Variants in SIK3 observed in about 807,000 individuals in gnomAD.
SIK3 encodes SIK family kinase 3.
Under a neutral mutation model 144.2 loss-of-function variants are expected in SIK3, and 28 were observed. The ratio of observed to expected loss-of-function variants is 0.19; its 90% CI spans 0.14 to 0.27. The LOEUF (loss-of-function observed/expected upper bound fraction) is 0.27. SIK3 is among the 10% of genes least tolerant of loss of function. The pLI, the probability that SIK3 is intolerant of heterozygous loss-of-function variation, is 1.00. For missense variants in SIK3, 1,319 were observed against 1,776.0 expected (o/e 0.74, Z 4.62); for synonymous variants, 686 against 676.3 (o/e 1.01, Z -0.22).
At chr11:117,094,801 T>C (rs1364781340) in intron 1 of SIK3, among the ~76,000 whole-genome samples, 2 of 150,368 alleles carry the variant, frequency 1.3e-5, no homozygotes, top group African/African-American at 2.4e-5. Context: ...CCAGAGAACC[T>C]CAGGCTAAGT....
chr11:117,052,199 T>C (rs753712851), intron 1 of SIK3, among the ~76,000 whole-genome samples: 3 of 152,168 alleles, frequency 2.0e-5, no homozygotes, highest in Non-Finnish European at 4.4e-5. Flanking sequence ...AGAATCCTAA[T>C]ACAAGTCCAG....
At chr11:116,870,509 CAG>C in intron 13 of SIK3, 108 bp from the exon 14 acceptor site, 1 of 1,477,786 alleles carries the variant, frequency 6.8e-7, no homozygotes, top group Non-Finnish European at 9.3e-7. Flanking sequence ...TTCTTATTTA[CAG>C]AACTTTTCTA....
chr11:117,019,869 A>G (rs963670547), intron 1 of SIK3, among the ~76,000 whole-genome samples: 1 of 152,052 alleles, frequency 6.6e-6, no homozygotes, highest in African/African-American at 2.4e-5. Flanking sequence ...TGTACTTCAG[A>G]TTGGTCAACA....
chr11:116,866,935 T>G (rs1300506892), intron 15 of SIK3, among the ~76,000 whole-genome samples: 2 of 152,226 alleles, frequency 1.3e-5, no homozygotes, highest in Non-Finnish European at 2.9e-5. Flanking sequence ...AACGTGGCAC[T>G]AATTATGTCC....
chr11:117,054,533 G>A (rs1953421765), intron 1 of SIK3, among the ~76,000 whole-genome samples: 1 of 152,208 alleles, frequency 6.6e-6, no homozygotes, highest in African/African-American at 2.4e-5. Context: ...AAAGGTACAA[G>A]ATGGCCAAGA....
intron 1 of SIK3, among the ~76,000 whole-genome samples, chr11:117,091,930 G>A (rs73576672): frequency 0.02 from 3,066 of 151,942 alleles, 111 homozygotes; most frequent in African/African-American, 0.07. Context: ...CTACAGGTGC[G>A]CACCACCACA....
At chr11:116,940,231 G>GTTTT (rs759117065) in intron 3 of SIK3, among the ~76,000 whole-genome samples, 2 of 135,788 alleles carry the variant, frequency 1.5e-5, no homozygotes, top group African/African-American at 2.7e-5. Flanking sequence ...AGGTTTTTTT[G>GTTTT]TTTTTTTTTT....
intron 1 of SIK3, among the ~76,000 whole-genome samples, chr11:117,035,618 G>T (rs1952459296): frequency 6.6e-6 from 1 of 152,190 alleles, no homozygotes; most frequent in Non-Finnish European, 1.5e-5. Context: ...GCAGTGATGT[G>T]ATCATAGCTC....
At chr11:116,944,049 A>T (rs567919021) in intron 3 of SIK3, among the ~76,000 whole-genome samples, 30 of 152,316 alleles carry the variant, frequency 2.0e-4, no homozygotes, top group South Asian at 8.3e-4. Flanking sequence ...AGTCTTCAAA[A>T]TCCACTGTGT....
chr11:116,943,690 T>G (rs1948432856), intron 3 of SIK3, among the ~76,000 whole-genome samples: 2 of 152,128 alleles, frequency 1.3e-5, no homozygotes, highest in African/African-American at 4.8e-5. Context: ...TGCTTCATGG[T>G]TCCTTTAGCC....
Position 116,929,423 on chromosome 11 carries a change from T to C in SIK3, c.455-2043A>G, listed in dbSNP as rs148456745. On this transcript the variant is annotated intron_variant, in intron 3 of 24. Coordinates refer to ENST00000445177, the MANE Select transcript of SIK3 (RefSeq NM_001366686.3). ...AATTACCAGAACACATCAAAGTGCT[T>C]CTTAAATGCTGCAGAATGATTAATT... Among the ~76,000 whole-genome samples the C allele has an allele frequency of 2.0e-5, 3 of 152,348 alleles. No homozygotes were observed. The East Asian group carries it at 5.8e-4, about 29-fold the overall frequency.
intron 1 of SIK3, among the ~76,000 whole-genome samples, chr11:117,078,501 C>T (rs1452977480): frequency 6.6e-6 from 1 of 150,828 alleles, no homozygotes; most frequent in Admixed American, 6.6e-5. Flanking sequence ...CTGCAACCTC[C>T]ACCTCCCTGG....
chr11:117,045,813 C>T (rs2000616), intron 1 of SIK3, among the ~76,000 whole-genome samples: 126,123 of 152,138 alleles, frequency 0.83, 52,900 homozygotes, highest in Non-Finnish European at 0.89. Flanking sequence ...TTCTTAAAAT[C>T]TGCTGCACCT....
chr11:117,000,946 C>T (rs550888279), intron 1 of SIK3, among the ~76,000 whole-genome samples: 2 of 152,346 alleles, frequency 1.3e-5, no homozygotes, highest in African/African-American at 4.8e-5. Context: ...CAGAGAATCA[C>T]AGACTAAATC....
chr11:116,988,540 G>A (rs913836506), intron 1 of SIK3, among the ~76,000 whole-genome samples: 2 of 152,094 alleles, frequency 1.3e-5, no homozygotes, highest in African/African-American at 4.8e-5. Flanking sequence ...CAGCACTTTG[G>A]GATGCCGAGG....
Position 116,875,411 on chromosome 11 carries a change from T to C in SIK3, c.1280A>G (p.Gln427Arg), listed in dbSNP as rs757342976. Residue 427 changes from glutamine to arginine, a missense_variant, in exon 10 of 25, where the codon CAG becomes CGG. Gln to Arg is a conservative substitution (Grantham distance 43). Around this residue, in one of 8 missense-constraint regions of SIK3, gnomAD observed 109 missense variants for 109.3 expected, o/e 1.00. Coordinates refer to ENST00000445177, the MANE Select transcript of SIK3 (RefSeq NM_001366686.3). Reference sequence around the variant, plus strand: ...GTTCTCTGGGTTGATCAGCTGCACCTGGGGAACGCTGATGTTCATAGCAGT... The same window carrying C: ...GTTCTCTGGGTTGATCAGCTGCACCCGGGGAACGCTGATGTTCATAGCAGT... ...AGTAMNISVPQVQLINPENQI... is the reference protein window; with the variant it reads ...AGTAMNISVPRVQLINPENQI... 6.2e-7 allele frequency: 1 copy of C among 1,614,206 alleles called. No homozygotes were observed. Among genetic ancestry groups the C allele is most frequent in the Non-Finnish European group, 8.5e-7 (1 of 1,180,036 alleles).
intron 4 of SIK3, among the ~76,000 whole-genome samples, chr11:116,921,262 A>G (rs1035318509): frequency 2.0e-5 from 3 of 152,346 alleles, no homozygotes; most frequent in African/African-American, 7.2e-5. Context: ...TTGCATGCCA[A>G]TAAAATTAGG....
chr11:116,882,775 C>T (rs917407916), intron 6 of SIK3, among the ~76,000 whole-genome samples: 1 of 152,038 alleles, frequency 6.6e-6, no homozygotes, highest in Non-Finnish European at 1.5e-5. Context: ...AAGCACCCAG[C>T]CCAAGAGTTC....
chr11:116,952,403 A>G (rs1948976611), intron 3 of SIK3, among the ~76,000 whole-genome samples: 1 of 152,222 alleles, frequency 6.6e-6, no homozygotes, highest in South Asian at 2.1e-4. Context: ...CCTTGTCCAA[A>G]GAAAAAACCT....
Sources: gnomAD v4.1 joint callset for allele counts (sites outside exome capture counted in the v4.1 genomes callset) on GRCh38, gnomAD v4.1.1 for gene constraint, gnomAD v4.1.1 regional missense constraint, MANE v1.5 for transcripts, NCBI Gene and HGNC (gene_info 2026-07-23, HGNC 2026-07-21) for gene names.